The following RIMS1 variants were observed in gnomAD, a reference collection of about 807,000 sequenced individuals.
The protein encoded by RIMS1 is regulating synaptic membrane exocytosis 1, also known as regulating synaptic membrane exocytosis protein 1.
A neutral mutation model predicts 214.1 loss-of-function variants in RIMS1; 83 were observed. The ratio of observed to expected loss-of-function variants is 0.39; its 90% confidence interval spans 0.32 to 0.47. RIMS1 has a LOEUF of 0.47. Ranked by LOEUF, RIMS1 falls within the 20% of genes least tolerant of loss-of-function variation. RIMS1 has a pLI of 0.99. For synonymous variants in RIMS1, 793 were observed against 786.8 expected, an observed-to-expected ratio of 1.01 and a Z score of -0.13; for missense variants, 2,050 against 2,161.8, an observed-to-expected ratio of 0.95 and a Z score of 1.03.
chr6:71,895,764 G>GTTT (rs1357754900), intron 1 of RIMS1, among the ~76,000 whole-genome samples: 1 of 147,782 alleles, frequency 6.8e-6, no homozygotes, highest in Non-Finnish European at 1.5e-5. Flanking sequence ...AATTTATGTG[G>GTTT]TTTTTATTCT....
At chr6:72,089,273 C>A (rs1835511535) in intron 2 of RIMS1, among the ~76,000 whole-genome samples, 1 of 152,080 alleles carries the variant, frequency 6.6e-6, no homozygotes, top group Non-Finnish European at 1.5e-5. Flanking sequence ...GATTTAGATG[C>A]AGAGCCACGA....
chr6:72,339,482 G>A (rs1399422748), intron 29 of RIMS1, among the ~76,000 whole-genome samples: 1 of 147,592 alleles, frequency 6.8e-6, no homozygotes, highest in Non-Finnish European at 1.5e-5. Flanking sequence ...CCCTTCCTTT[G>A]TCCATGTGTT....
At chr6:72,255,588 A>C (rs1206578985) in intron 16 of RIMS1, among the ~76,000 whole-genome samples, 1 of 152,212 alleles carries the variant, frequency 6.6e-6, no homozygotes, top group East Asian at 1.9e-4. Context: ...TGTTATTTAA[A>C]GTAAATAATT....
At chr6:71,986,199 T>G (rs1358372314) in intron 2 of RIMS1, among the ~76,000 whole-genome samples, 1 of 151,908 alleles carries the variant, frequency 6.6e-6, no homozygotes. Flanking sequence ...TGTTTTTTTT[T>G]TTTTTTTTTA....
intron 2 of RIMS1, among the ~76,000 whole-genome samples, chr6:71,980,288 C>G (rs949846759): frequency 6.6e-6 from 1 of 152,026 alleles, no homozygotes; most frequent in Non-Finnish European, 1.5e-5. Flanking sequence ...AAGATAATGC[C>G]TAGGACCTTG....
chr6:72,183,889 A>T (rs191731044), intron 6 of RIMS1, among the ~76,000 whole-genome samples: 28 of 152,362 alleles, frequency 1.8e-4, no homozygotes. Flanking sequence ...GTTAAAAATG[A>T]TAAAACCTTA....
At chr6:72,002,569 A>C (rs574166703) in intron 2 of RIMS1, among the ~76,000 whole-genome samples, 1 of 152,286 alleles carries the variant, frequency 6.6e-6, no homozygotes, top group South Asian at 2.1e-4. Context: ...CCAGTCAGGG[A>C]AGCATGCGTG....
rs764137197 is a variant in RIMS1, at chr6:72,292,052, C to T, written c.3850+6C>T. On this transcript the variant is annotated splice_donor_region_variant and intron_variant, in intron 26 of 33. Transcript: ENST00000521978. ...AAGCGGCAGTATAGAACAAGGTATC[C>T]GATAAAGAGAGATCATTGTCCAAAA... 135 of 1,532,968 alleles carry T rather than the reference C, an allele frequency of 8.8e-5. No individual in the cohort carries two copies. The highest frequency in any genetic ancestry group is 1.5e-4 in the South Asian group (12 of 82,758). 95.0% of individuals were successfully genotyped at this position (1,532,968 alleles called of 1,614,324 possible).
At chr6:72,286,063 G>A (rs574636092) in intron 24 of RIMS1, among the ~76,000 whole-genome samples, 66 of 152,202 alleles carry the variant, frequency 4.3e-4, no homozygotes, top group African/African-American at 1.3e-3. Flanking sequence ...TGGGCCTGGT[G>A]GCACATGCCT....
At chr6:72,293,287 T>TATGTATGCATAAAAAA (rs1300132899) in intron 26 of RIMS1, among the ~76,000 whole-genome samples, 4 of 152,044 alleles carry the variant, frequency 2.6e-5, no homozygotes, top group Non-Finnish European at 5.9e-5. Flanking sequence ...TGATGCATTG[T>TATGTATGCATAAAAAA]GAAACTCTGA....
chr6:72,245,087 A>G (rs1297317768), intron 10 of RIMS1, among the ~76,000 whole-genome samples: 1 of 151,934 alleles, frequency 6.6e-6, no homozygotes, highest in South Asian at 2.1e-4. Context: ...ATAGTGGGTA[A>G]TGGATTAAGT....
chr6:71,933,262 T>G (rs1783571346), intron 1 of RIMS1, among the ~76,000 whole-genome samples: 1 of 152,106 alleles, frequency 6.6e-6, no homozygotes, highest in Admixed American at 6.5e-5. Flanking sequence ...AGGTATCCTC[T>G]CATGTACCCT....
chr6:72,284,036 T>C lies in RIMS1; in HGVS notation c.3483-11T>C. The C allele has an allele frequency of 6.2e-7, 1 of 1,608,820 alleles. No homozygotes were observed. The highest frequency in any genetic ancestry group is 1.1e-5 in the South Asian group (1 of 90,970). Reference sequence around the variant, plus strand: ...CATCATATATTTTGTGTTTAACATTTCATTCCACAGGCACTCCAGAAAGTC... The same window carrying C: ...CATCATATATTTTGTGTTTAACATTCCATTCCACAGGCACTCCAGAAAGTC... On this transcript the variant is annotated splice_polypyrimidine_tract_variant and intron_variant, in intron 23 of 33. Transcript: ENST00000521978.
chr6:71,961,397 CCT>C (rs1419465607), intron 1 of RIMS1, among the ~76,000 whole-genome samples: 1 of 152,004 alleles, frequency 6.6e-6, no homozygotes, highest in Non-Finnish European at 1.5e-5. Flanking sequence ...CCCCTTCTCT[CCT>C]CTCTTTCTGT....
At chr6:71,983,120 C>T (rs949045900) in intron 2 of RIMS1, among the ~76,000 whole-genome samples, 4 of 152,140 alleles carry the variant, frequency 2.6e-5, no homozygotes, top group African/African-American at 9.7e-5. Flanking sequence ...TACTTGACCA[C>T]CCCCTTCACC....
rs1306114433 is a variant in RIMS1, at chr6:72,159,861, T to C, written c.472-19714T>C. Among the ~76,000 whole-genome samples, 12 of 140,326 alleles carry C rather than the reference T, an allele frequency of 8.6e-5. 1 individual carries two copies. The highest frequency in any genetic ancestry group is 2.9e-4 in the African/African-American group (12 of 40,684). The allele number at this position is 140,326 out of a possible 152,430, so 92.1% of individuals were successfully genotyped here. A position where few individuals can be genotyped will look rare whatever the true frequency, so the allele number is the denominator to read the frequency against. On this transcript the variant is annotated intron_variant, in intron 4 of 33. Coordinates refer to ENST00000521978, the MANE Select transcript of RIMS1 (RefSeq NM_014989.7). ...TTTGTTCTTTTGGCTAAGGATTGACTTGGCAATGCGGGCTCTTTTTTGGTT... is the reference window on the plus strand; with the variant it reads ...TTTGTTCTTTTGGCTAAGGATTGACCTGGCAATGCGGGCTCTTTTTTGGTT...
intron 6 of RIMS1, among the ~76,000 whole-genome samples, chr6:72,193,479 C>T (rs540511256): frequency 1.3e-5 from 2 of 152,282 alleles, no homozygotes; most frequent in South Asian, 4.1e-4. Flanking sequence ...AAGAGCAACA[C>T]CTTTTATCAC....
intron 4 of RIMS1, among the ~76,000 whole-genome samples, chr6:72,179,067 T>C (rs2048104269): frequency 6.6e-6 from 1 of 152,242 alleles, no homozygotes; most frequent in Non-Finnish European, 1.5e-5. Flanking sequence ...ACTTTGTATG[T>C]TTCTTCTATG....
intron 2 of RIMS1, among the ~76,000 whole-genome samples, chr6:72,070,882 C>T (rs949046942): frequency 6.6e-6 from 1 of 152,132 alleles, no homozygotes; most frequent in African/African-American, 2.4e-5. Context: ...CCAAATCCTT[C>T]CTCCCAACTG....
Sources: gnomAD v4.1 joint callset for allele counts (sites outside exome capture counted in the v4.1 genomes callset) on GRCh38, gnomAD v4.1.1 for gene constraint, MANE v1.5 for transcripts, NCBI Gene and HGNC (gene_info 2026-07-23, HGNC 2026-07-21) for gene names.